Variants in SLC22A23 observed in about 807,000 individuals in gnomAD.
SLC22A23 encodes the protein solute carrier family 22 member 23, also known as ion transporter protein.
In SLC22A23, 26 loss-of-function variants were observed where a neutral mutation model predicts 61.0. That is an observed-to-expected ratio of 0.43 (90% CI 0.31 to 0.59). The LOEUF (loss-of-function observed/expected upper bound fraction) is 0.59, where lower values mean the gene tolerates loss of function less well. SLC22A23 is among the 20% of genes least tolerant of loss of function. The probability of loss-of-function intolerance (pLI) is 0.11; values close to 1 mark genes in which losing one functional copy is unlikely to be tolerated. For missense variants in SLC22A23, 796 were observed against 934.7 expected (o/e 0.85, Z 1.94); for synonymous variants, 430 against 413.9 (o/e 1.04, Z -0.47).
At chr6:3,436,207 T>A (rs374823425) in intron 1 of SLC22A23, among the ~76,000 whole-genome samples, 13 of 152,068 alleles carry the variant, frequency 8.5e-5, no homozygotes, top group African/African-American at 3.1e-4. Flanking sequence ...TGGTGTGATA[T>A]CGGCTCACTG....
In SLC22A23 at chr6:3,329,768, G is replaced by A. The variant is rs986271515; in HGVS notation, c.914-5766C>T. ...AGCCACGGAAGGCTTCCTATGTGTCGCTGGCCTCACAGACATGAGGCCACC... is the reference window on the plus strand; with the variant it reads ...AGCCACGGAAGGCTTCCTATGTGTCACTGGCCTCACAGACATGAGGCCACC... On this transcript the variant is annotated intron_variant, in intron 3 of 9. Transcript: ENST00000406686. The surrounding 1 kb of genome is among the most constrained non-coding windows in gnomAD (Gnocchi z 4.8). 1.3e-5 allele frequency among the ~76,000 whole-genome samples: 2 copies of A among 152,120 alleles called. No homozygotes were observed. Among genetic ancestry groups the A allele is most frequent in the Admixed American group, 6.5e-5 (1 of 15,274 alleles).
At chr6:3,284,727 G>A (rs531167088) in intron 8 of SLC22A23, among the ~76,000 whole-genome samples, 1 of 152,202 alleles carries the variant, frequency 6.6e-6, no homozygotes, top group South Asian at 2.1e-4. Context: ...ACAGACAGCC[G>A]GGCCCCAGCA....
chr6:3,269,502 A>C lies in SLC22A23; in HGVS notation c.*3553T>G, dbSNP rs1180123598. 6.5e-6 allele frequency: 1 copy of C among 152,798 alleles called. No individual in the cohort carries two copies. Among genetic ancestry groups the C allele is most frequent in the African/African-American group, 2.4e-5 (1 of 41,470 alleles). 9.5% of individuals were successfully genotyped at this position (152,798 alleles called of 1,614,324 possible). ...TTTTATTTCTGTACATTTACATACA[A>C]ATTTTCCCCAAAGGTACAACAGATG... On this transcript the variant is annotated 3_prime_UTR_variant, in exon 10 of 10. Coordinates refer to ENST00000406686, the MANE Select transcript of SLC22A23 (RefSeq NM_015482.2).
chr6:3,448,978 G>T (rs1256958098), intron 1 of SLC22A23, among the ~76,000 whole-genome samples: 1 of 152,172 alleles, frequency 6.6e-6, no homozygotes, highest in Non-Finnish European at 1.5e-5. Context: ...TGTGACCTGG[G>T]AAGACAGCTA....
At chr6:3,428,550 A>G (rs987258589) in intron 1 of SLC22A23, among the ~76,000 whole-genome samples, 1 of 152,158 alleles carries the variant, frequency 6.6e-6, no homozygotes, top group African/African-American at 2.4e-5. Context: ...CTCTCCATTC[A>G]CTACTGATGC....
At chr6:3,293,716 G>C (rs370736836) in intron 5 of SLC22A23, among the ~76,000 whole-genome samples, 5 of 152,354 alleles carry the variant, frequency 3.3e-5, no homozygotes, top group East Asian at 3.9e-4. Flanking sequence ...TCACTTACAG[G>C]TGGTGTGACT....
In SLC22A23 at chr6:3,317,465, GCTCCTAGATA is replaced by G. The variant is rs1433303754; in HGVS notation, c.1082+6359_1082+6368del. Among the ~76,000 whole-genome samples the G allele has an allele frequency of 6.6e-6, 1 of 152,080 alleles. No individual in the cohort carries two copies. Among genetic ancestry groups the G allele is most frequent in the Non-Finnish European group, 1.5e-5 (1 of 68,014 alleles). On this transcript the variant is annotated intron_variant, in intron 4 of 9. Coordinates refer to ENST00000406686, the MANE Select transcript of SLC22A23 (RefSeq NM_015482.2). The surrounding 1 kb of genome is among the most constrained non-coding windows in gnomAD (Gnocchi z 4.4). ...CATCTAAGCAGAATTCCTCCTAGAT[GCTCCTAGATA>G]CTCCCTTCTTCTTGTGGTTTGGATC...
chr6:3,272,683 A>C lies in SLC22A23; in HGVS notation c.*372T>G. ...GCCAGGAGCCGTGTCCCATCTCCCC[A>C]GAGGGACCGGCCATGGCCCTGGTCA... On this transcript the variant is annotated 3_prime_UTR_variant, in exon 10 of 10. Transcript: ENST00000406686. The C allele has an allele frequency of 6.1e-6, 1 of 163,386 alleles. No homozygotes were observed. The highest frequency in any genetic ancestry group is 1.3e-5 in the Non-Finnish European group (1 of 75,012). 10.1% of individuals were successfully genotyped at this position (163,386 alleles called of 1,614,324 possible). A position where few individuals can be genotyped will look rare whatever the true frequency, so the allele number is the denominator to read the frequency against.
In SLC22A23 at chr6:3,308,929, C is replaced by T. The variant is rs964369856; in HGVS notation, c.1083-10711G>A. Reference sequence around the variant, plus strand: ...CTGCACTCCAGCCTGGGCGACAGAGCGAGACTCTGTCTCAAAAAACAAACA... The same window carrying T: ...CTGCACTCCAGCCTGGGCGACAGAGTGAGACTCTGTCTCAAAAAACAAACA... On this transcript the variant is annotated intron_variant, in intron 4 of 9. Transcript: ENST00000406686. This position sits in a 1 kb window ranked among gnomAD's most constrained non-coding sequence, Gnocchi z 5.1. 9.9e-5 allele frequency among the ~76,000 whole-genome samples: 15 copies of T among 151,628 alleles called. No individual in the cohort carries two copies. Among genetic ancestry groups the T allele is most frequent in the Non-Finnish European group, 2.1e-4 (14 of 67,834 alleles).
intron 8 of SLC22A23, 28 bp from the exon 9 acceptor site, chr6:3,284,003 AG>A (rs1265355507): frequency 1.1e-5 from 18 of 1,585,006 alleles, no homozygotes; most frequent in Admixed American, 1.7e-5. Context: ...GAAGGTGGTG[AG>A]GGAAGAGAGG....
At chr6:3,302,136 C>T (rs1761658211) in intron 4 of SLC22A23, among the ~76,000 whole-genome samples, 1 of 152,116 alleles carries the variant, frequency 6.6e-6, no homozygotes, top group Non-Finnish European at 1.5e-5. Flanking sequence ...TCTGTTCAGC[C>T]TTTCTATTTC....
intron 3 of SLC22A23, among the ~76,000 whole-genome samples, chr6:3,364,633 C>T (rs1765685573): frequency 2.0e-5 from 3 of 152,100 alleles, no homozygotes; most frequent in South Asian, 2.1e-4. Context: ...CCAGGGTCAG[C>T]GAGAGGTCTC....
In SLC22A23 at chr6:3,444,826, C is replaced by T. The variant is rs370434644; in HGVS notation, c.654+11080G>A. 37 of 985,652 alleles carry T rather than the reference C, an allele frequency of 3.8e-5. 1 individual carries two copies. The African/African-American group carries it at 4.0e-4, about 11-fold the overall frequency. 61.1% of individuals were successfully genotyped at this position (985,652 alleles called of 1,614,324 possible). On this transcript the variant is annotated intron_variant, in intron 1 of 9. Coordinates refer to ENST00000406686, the MANE Select transcript of SLC22A23 (RefSeq NM_015482.2). ...CCTGTCTGAAGGGCATACCTGGCTC[C>T]GAACATCATCGGTTTCTGGGTGAAG...
At chr6:3,287,980 C>T (rs535893425) in intron 6 of SLC22A23, among the ~76,000 whole-genome samples, 5 of 152,312 alleles carry the variant, frequency 3.3e-5, no homozygotes, top group East Asian at 1.9e-4. Flanking sequence ...CCACCGCACC[C>T]GGCCTCCGTT....
intron 3 of SLC22A23, among the ~76,000 whole-genome samples, chr6:3,398,397 C>G (rs944315380): frequency 6.6e-6 from 1 of 150,702 alleles, no homozygotes; most frequent in Non-Finnish European, 1.5e-5. Flanking sequence ...GACGCAAGCA[C>G]CTCTCAGCCA....
rs1041679117 is a variant in SLC22A23 at position 3,289,644 on chromosome 6, A to C, written c.1313+120T>G. 3.8e-5 allele frequency: 30 copies of C among 787,916 alleles called. No individual in the cohort carries two copies. The African/African-American group carries it at 5.1e-4, about 13-fold the overall frequency. The allele number at this position is 787,916 out of a possible 1,614,324, so 48.8% of individuals were successfully genotyped here. The stretch of plus-strand genomic sequence containing the variant: ...TCTTCTAGCCCGTGTCACTCTTCAC[A>C]CACACACCCTTAGGATTCCAAGTTC... On this transcript the variant is annotated intron_variant, in intron 6 of 9. Coordinates refer to ENST00000406686, the MANE Select transcript of SLC22A23 (RefSeq NM_015482.2).
At chr6:3,420,127 G>A (rs1770016332) in intron 1 of SLC22A23, among the ~76,000 whole-genome samples, 1 of 151,448 alleles carries the variant, frequency 6.6e-6, no homozygotes, top group South Asian at 2.1e-4. Context: ...CATTCATGAT[G>A]ATGCCATGTG....
At chr6:3,358,159 T>C (rs1165745579) in intron 3 of SLC22A23, among the ~76,000 whole-genome samples, 2 of 152,200 alleles carry the variant, frequency 1.3e-5, no homozygotes, top group Admixed American at 6.5e-5. Flanking sequence ...GAAAACAGTA[T>C]GGCAGTTCCT....
chr6:3,270,281 A>C lies in SLC22A23; in HGVS notation c.*2774T>G, dbSNP rs1025554855. ...CAGCACAGAGGGGTTCAAGCGTGAC[A>C]GACGGTGCTGGGAAGTGGGCAGCCG... is the stretch of plus-strand genomic sequence containing the variant. On this transcript the variant is annotated 3_prime_UTR_variant, in exon 10 of 10. Coordinates refer to ENST00000406686, the MANE Select transcript of SLC22A23 (RefSeq NM_015482.2). 6.6e-6 allele frequency: 1 copy of C among 152,380 alleles called. No homozygotes were observed. Among genetic ancestry groups the C allele is most frequent in the Non-Finnish European group, 1.5e-5 (1 of 68,068 alleles). The allele number at this position is 152,380 out of a possible 1,614,324, so 9.4% of individuals were successfully genotyped here.
Sources: allele counts gnomAD v4.1 joint callset (sites outside exome capture counted in the v4.1 genomes callset), GRCh38; gene constraint gnomAD v4.1.1; non-coding constraint Gnocchi (gnomAD v3.1); transcripts MANE v1.5; gene names NCBI Gene and HGNC (gene_info 2026-07-23, HGNC 2026-07-21).